SAPCD2: variants seen among roughly 807,000 people sequenced by gnomAD.
The protein encoded by SAPCD2 is suppressor APC domain-containing protein 2.
Under a neutral mutation model 37.8 loss-of-function variants are expected in SAPCD2, and 34 were observed. The ratio of observed to expected loss-of-function variants is 0.90; its 90% CI spans 0.68 to 1.20. The LOEUF is 1.20. SAPCD2 is among the 50% of genes most tolerant of loss of function. The pLI is 0.00. For missense variants in SAPCD2, 572 were observed against 584.7 expected (o/e 0.98, Z 0.22); for synonymous variants, 275 against 270.3 (o/e 1.02, Z -0.17).
chr9:137,064,645 G>A lies in SAPCD2; in HGVS notation c.*14C>T, dbSNP rs761624037. ...TGCCAGGCTGGCCCTGGGGGCCCAC[G>A]CGGCCCACAAGGACTAGATGAAGGT... On this transcript the variant is annotated 3_prime_UTR_variant, in exon 6 of 6. Transcript: ENST00000409687. 20 of 1,590,668 alleles carry A rather than the reference G, an allele frequency of 1.3e-5. No individual in the cohort carries two copies. Among genetic ancestry groups the A allele is most frequent in the Admixed American group, 8.7e-5 (5 of 57,260 alleles).
In SAPCD2 at chr9:137,064,678, A is replaced by C; in HGVS notation, c.1166T>G (p.Leu389Arg). 6.3e-7 allele frequency: 1 copy of C among 1,597,952 alleles called. No homozygotes were observed. Among genetic ancestry groups the C allele is most frequent in the Non-Finnish European group, 8.5e-7 (1 of 1,173,642 alleles). Residue 389 changes from leucine to arginine, a missense_variant, in exon 6 of 6, where the codon CTG becomes CGG. By Grantham distance (102) the Leu-to-Arg change is moderately radical (BLOSUM62 -2). Coordinates refer to ENST00000409687, the MANE Select transcript of SAPCD2 (RefSeq NM_178448.4). ...RALSQQDGGPLDSTFI is the reference protein window; with the variant it reads ...RALSQQDGGPRDSTFI ...CAAGGACTAGATGAAGGTGGAATCC[A>C]GAGGTCCCCCGTCCTGCTGGCTCAG...
At chr9:137,069,818 G>A (rs1416997742) in intron 1 of SAPCD2, 72 bp downstream of exon 1, 3 of 1,025,280 alleles carry the variant, frequency 2.9e-6, no homozygotes, top group African/African-American at 3.3e-5. Context: ...ACGGGCAGCA[G>A]CTGTGGGACT....
chr9:137,067,671 G>A, intron 1 of SAPCD2, among the ~76,000 whole-genome samples: 1 of 148,846 alleles, frequency 6.7e-6, no homozygotes, highest in Non-Finnish European at 1.5e-5. Context: ...CTACTCGGGA[G>A]GCTGAAGCAG....
In SAPCD2 at chr9:137,070,381, G is replaced by C; in HGVS notation, c.80C>G (p.Ala27Gly). The change falls in exon 1 of 6, where the codon GCC (alanine) becomes GGC (glycine). Residue 27 changes from alanine to glycine, a missense_variant. Coordinates refer to ENST00000409687, the MANE Select transcript of SAPCD2 (RefSeq NM_178448.4). ...CAGGGTGCGCAGGCTCTGCAGGAAG[G>C]CGCGCGGCAGCCCCTCCGTGCTGGG... ...PAPSTEGLPR[A>G]FLQSLRTLFD... 7.1e-7 allele frequency: 1 copy of C among 1,404,030 alleles called. No homozygotes were observed. 87.0% of individuals were successfully genotyped at this position (1,404,030 alleles called of 1,614,324 possible). A position where few individuals can be genotyped will look rare whatever the true frequency, so the allele number is the denominator to read the frequency against.
intron 1 of SAPCD2, 42 bp downstream of exon 1, chr9:137,069,848 C>G (rs906890218): frequency 2.7e-5 from 33 of 1,213,820 alleles, no homozygotes; most frequent in Non-Finnish European, 1.0e-6. Context: ...GGCCCGGGCC[C>G]GGGAGAGCTA....
chr9:137,063,305 C>G lies in SAPCD2; in HGVS notation c.*1354G>C, dbSNP rs1232321997. On this transcript the variant is annotated 3_prime_UTR_variant, in exon 6 of 6. Transcript: ENST00000409687. ...AGACCAGGTGCAGCAGGGAATGTGG[C>G]TCTGTGGGGTTGCTGTGGGCAGGTT... The G allele has an allele frequency of 6.6e-6, 1 of 152,386 alleles. No individual in the cohort carries two copies. The allele number at this position is 152,386 out of a possible 1,614,324, so 9.4% of individuals were successfully genotyped here.
In SAPCD2 at chr9:137,066,316, A is replaced by T. The variant is rs1270627712; in HGVS notation, c.630T>A (p.Arg210=). The change falls in exon 2 of 6, where the codon CGT becomes CGA. Residue 210 remains arginine, a synonymous_variant. Transcript: ENST00000409687. Reference sequence around the variant, plus strand: ...TGTGCCTCCGACGTTCCCCTCGGGCACGGGGAGCCCGCCGGGCATCCCCTG... The same window carrying T: ...TGTGCCTCCGACGTTCCCCTCGGGCTCGGGGAGCCCGCCGGGCATCCCCTG... ...ADSGDARRAP[R]ARGERRRHTI... is the part of the protein sequence containing the mutation. The T allele has an allele frequency of 6.2e-7, 1 of 1,610,022 alleles. No homozygotes were observed. The highest frequency in any genetic ancestry group is 1.3e-5 in the African/African-American group (1 of 74,906).
chr9:137,066,691 T>C (rs1832551079), intron 1 of SAPCD2, among the ~76,000 whole-genome samples: 1 of 152,160 alleles, frequency 6.6e-6, no homozygotes, highest in Admixed American at 6.5e-5. Context: ...GCCCAGAACA[T>C]GGCAGGCACA....
In SAPCD2 at chr9:137,063,073, T is replaced by A. The variant is rs1832483613; in HGVS notation, c.*1586A>T. On this transcript the variant is annotated 3_prime_UTR_variant, in exon 6 of 6. Coordinates refer to ENST00000409687, the MANE Select transcript of SAPCD2 (RefSeq NM_178448.4). Reference sequence around the variant, plus strand: ...CCCCAGCCTGCTGACGGGGGGCTTCTCCCTGGCTGCCACTGGCCCACCCAC... The same window carrying A: ...CCCCAGCCTGCTGACGGGGGGCTTCACCCTGGCTGCCACTGGCCCACCCAC... 1 of 152,304 alleles carries A rather than the reference T, an allele frequency of 6.6e-6. No homozygotes were observed. The highest frequency in any genetic ancestry group is 6.5e-5 in the Admixed American group (1 of 15,290). The allele number at this position is 152,304 out of a possible 1,614,324, so 9.4% of individuals were successfully genotyped here. A position where few individuals can be genotyped will look rare whatever the true frequency, so the allele number is the denominator to read the frequency against.
chr9:137,067,112 C>G (rs1019374847), intron 1 of SAPCD2, among the ~76,000 whole-genome samples: 3 of 152,084 alleles, frequency 2.0e-5, no homozygotes, highest in Non-Finnish European at 2.9e-5. Flanking sequence ...CTCAGCCTCC[C>G]GAGTAGCTGG....
chr9:137,068,499 GA>G, intron 1 of SAPCD2, among the ~76,000 whole-genome samples: 1 of 152,390 alleles, frequency 6.6e-6, no homozygotes, highest in South Asian at 2.1e-4. Context: ...AAGAGGCCCT[GA>G]ACATCTGGGC....
chr9:137,069,850 G>A (rs938344723), intron 1 of SAPCD2, 40 bp downstream of exon 1: 1 of 1,218,090 alleles, frequency 8.2e-7, no homozygotes, highest in Non-Finnish European at 1.0e-6. Flanking sequence ...CCCGGGCCCG[G>A]GAGAGCTACG....
In SAPCD2 at chr9:137,064,557, C is replaced by A; in HGVS notation, c.*102G>T. 1 of 1,394,294 alleles carries A rather than the reference C, an allele frequency of 7.2e-7. No individual in the cohort carries two copies. The highest frequency in any genetic ancestry group is 9.8e-7 in the Non-Finnish European group (1 of 1,016,036). The allele number at this position is 1,394,294 out of a possible 1,614,324, so 86.4% of individuals were successfully genotyped here. The stretch of plus-strand genomic sequence containing the variant: ...GCCCACTCCGGGACTGTGCCTGGGC[C>A]TGCCGGGGGTCTCCAGCCAGAGAGG... On this transcript the variant is annotated 3_prime_UTR_variant, in exon 6 of 6. Coordinates refer to ENST00000409687, the MANE Select transcript of SAPCD2 (RefSeq NM_178448.4).
At position 137,062,513 on chromosome 9, in the gene SAPCD2, C is replaced by T. The variant is rs1330383625; in HGVS notation, c.*2146G>A. The T allele has an allele frequency of 2.0e-5, 3 of 152,222 alleles. No homozygotes were observed. Among genetic ancestry groups the T allele is most frequent in the African/African-American group, 7.2e-5 (3 of 41,450 alleles). 9.4% of individuals were successfully genotyped at this position (152,222 alleles called of 1,614,324 possible). A position where few individuals can be genotyped will look rare whatever the true frequency, so the allele number is the denominator to read the frequency against. On this transcript the variant is annotated 3_prime_UTR_variant, in exon 6 of 6. Transcript: ENST00000409687. ...GGCAGATTCTCAACTGGGGACACTT[C>T]TGCCCCCAAGGACACATTTCAACAT...
At chr9:137,069,484 G>A (rs895395252) in intron 1 of SAPCD2, among the ~76,000 whole-genome samples, 10 of 152,230 alleles carry the variant, frequency 6.6e-5, no homozygotes, top group Non-Finnish European at 1.5e-4. Flanking sequence ...TCTTTGAGAA[G>A]GAAGCACTTC....
chr9:137,065,109 C>A lies in SAPCD2; in HGVS notation c.908G>T (p.Gly303Val). ...PKVQEVARCL[G>V]ELLAAACASR... ...GGCACAGGCTGCAGCCAGCAGCTCC[C>A]CCAGGCACCGGGCCACCTCTTGTAC... Residue 303 changes from glycine to valine, a missense_variant, in exon 4 of 6, where the codon GGG becomes GTG. Coordinates refer to ENST00000409687, the MANE Select transcript of SAPCD2 (RefSeq NM_178448.4). The A allele has an allele frequency of 6.5e-7, 1 of 1,543,456 alleles. No homozygotes were observed.
In SAPCD2 at chr9:137,064,593, T is replaced by TG. The variant is rs1832514291; in HGVS notation, c.*65dup. 1.3e-6 allele frequency: 2 copies of TG among 1,527,344 alleles called. No homozygotes were observed. The highest frequency in any genetic ancestry group is 2.0e-5 in the Admixed American group (1 of 51,210). 94.6% of individuals were successfully genotyped at this position (1,527,344 alleles called of 1,614,324 possible). Reference sequence around the variant, plus strand: ...CTCCAGCCAGAGAGGGTGGGTGCGATGGGGCGCCCACCCTCGAAGGGCTGA... The same window carrying TG: ...CTCCAGCCAGAGAGGGTGGGTGCGATGGGGGCGCCCACCCTCGAAGGGCTGA... On this transcript the variant is annotated 3_prime_UTR_variant, in exon 6 of 6. Coordinates refer to ENST00000409687, the MANE Select transcript of SAPCD2 (RefSeq NM_178448.4).
rs1188024898 is a variant in SAPCD2 at position 137,062,275 on chromosome 9, GA to G, written c.*2383del. On this transcript the variant is annotated 3_prime_UTR_variant, in exon 6 of 6. Coordinates refer to ENST00000409687, the MANE Select transcript of SAPCD2 (RefSeq NM_178448.4). ...TGTATTGTTTCCTTGTGGTGTTTAT[GA>G]ATTTTTAAACCTGGATCTCTCATTT... 6.6e-6 allele frequency: 1 copy of G among 151,222 alleles called. No homozygotes were observed. Among genetic ancestry groups the G allele is most frequent in the Non-Finnish European group, 1.5e-5 (1 of 67,852 alleles). 9.4% of individuals were successfully genotyped at this position (151,222 alleles called of 1,614,324 possible). A position where few individuals can be genotyped will look rare whatever the true frequency, so the allele number is the denominator to read the frequency against.
In SAPCD2 at chr9:137,070,060, A is replaced by T. The variant is rs1588566385; in HGVS notation, c.401T>A (p.Val134Asp). Residue 134 changes from valine (V) to aspartate (D), a missense_variant, in exon 1 of 6, where the codon GTC becomes GAC. Transcript: ENST00000409687. The part of the protein sequence containing the change: ...VFAPADEPRT[V>D]LERKPLPLGV... Reference sequence around the variant, plus strand: ...CAGGGGCAGGGGCTTCCTCTCCAGGACCGTCCGCGGCTCGTCGGCCGGAGC... The same window carrying T: ...CAGGGGCAGGGGCTTCCTCTCCAGGTCCGTCCGCGGCTCGTCGGCCGGAGC... 1.2e-5 allele frequency: 14 copies of T among 1,197,460 alleles called. No homozygotes were observed. In the East Asian group the frequency reaches 4.9e-4, roughly 42 times the overall value. 74.2% of individuals were successfully genotyped at this position (1,197,460 alleles called of 1,614,324 possible). A position where few individuals can be genotyped will look rare whatever the true frequency, so the allele number is the denominator to read the frequency against.
Sources: allele counts gnomAD v4.1 joint callset (sites outside exome capture counted in the v4.1 genomes callset), GRCh38; gene constraint gnomAD v4.1.1; transcripts MANE v1.5; gene names NCBI Gene and HGNC (gene_info 2026-07-23, HGNC 2026-07-21).